The following RAF1 variants were observed in gnomAD, a reference collection of about 807,000 sequenced individuals.
RAF1 encodes Raf-1 proto-oncogene, serine/threonine kinase, also known as RAF proto-oncogene serine/threonine-protein kinase.
Under a neutral mutation model 81.1 loss-of-function variants are expected in RAF1, and 27 were observed. That is an observed-to-expected ratio of 0.33 (90% CI 0.25 to 0.46). The LOEUF (loss-of-function observed/expected upper bound fraction) is 0.46, where lower values mean the gene tolerates loss of function less well. RAF1 is among the 20% of genes least tolerant of loss of function. The pLI, the probability that RAF1 is intolerant of heterozygous loss-of-function variation, is 1.00. For missense variants in RAF1, 598 were observed against 826.0 expected, an observed-to-expected ratio of 0.72 and a Z score of 3.38; for synonymous variants, 298 against 294.0, an observed-to-expected ratio of 1.01 and a Z score of -0.14.
chr3:12,650,683 G>A (rs1386096130), intron 1 of RAF1, among the ~76,000 whole-genome samples: 1 of 152,164 alleles, frequency 6.6e-6, no homozygotes, highest in African/African-American at 2.4e-5. Flanking sequence ...GGGAGACATG[G>A]TCCTTGCATT....
intron 16 of RAF1, 21 bp from the exon 16 acceptor site, chr3:12,585,002 G>T (rs2058281036): frequency 6.2e-7 from 1 of 1,613,920 alleles, no homozygotes; most frequent in Admixed American, 1.7e-5. Flanking sequence ...GAAAACAGCT[G>T]AGCTAATGGG....
At chr3:12,659,025 G>T (rs2060788564) in intron 1 of RAF1, among the ~76,000 whole-genome samples, 1 of 151,868 alleles carries the variant, frequency 6.6e-6, no homozygotes, top group Admixed American at 6.6e-5. Flanking sequence ...TGGGAGAAAA[G>T]AAGTAACAAA....
At chr3:12,635,268 G>A (rs569449620) in intron 1 of RAF1, among the ~76,000 whole-genome samples, 84 of 139,224 alleles carry the variant, frequency 6.0e-4, no homozygotes, top group African/African-American at 2.1e-3. Context: ...GCAGTAAACC[G>A]GGATCTTGCC....
At chr3:12,607,592 G>A (rs955422886) in intron 5 of RAF1, among the ~76,000 whole-genome samples, 1 of 152,098 alleles carries the variant, frequency 6.6e-6, no homozygotes, top group Non-Finnish European at 1.5e-5. Flanking sequence ...AGGCTACAGT[G>A]AGCTGTGATC....
intron 1 of RAF1, among the ~76,000 whole-genome samples, chr3:12,626,710 T>G (rs1441798504): frequency 1.3e-5 from 2 of 151,810 alleles, no homozygotes; most frequent in Non-Finnish European, 1.5e-5. Flanking sequence ...AATGATAAAG[T>G]TTTTTTTGTT....
intron 1 of RAF1, among the ~76,000 whole-genome samples, chr3:12,661,772 AC>A (rs1217211678): frequency 6.6e-6 from 1 of 152,160 alleles, no homozygotes; most frequent in African/African-American, 2.4e-5. Context: ...TATAAAGTTA[AC>A]ATTTTTGTGA....
At chr3:12,616,300 T>C (rs1180095522) in intron 2 of RAF1, among the ~76,000 whole-genome samples, 3 of 152,170 alleles carry the variant, frequency 2.0e-5, no homozygotes, top group East Asian at 3.8e-4. Flanking sequence ...TGGTAGCAGA[T>C]GGGGATGGAG....
intron 4 of RAF1, 127 bp from the exon 5 acceptor site, chr3:12,609,050 A>G (rs779369624): frequency 3.5e-4 from 418 of 1,184,214 alleles, no homozygotes; most frequent in Non-Finnish European, 4.8e-4. Flanking sequence ...CAGAATTCAT[A>G]ATCACAAATT....
intron 11 of RAF1, among the ~76,000 whole-genome samples, chr3:12,592,931 G>T (rs1436556914): frequency 1.3e-5 from 2 of 151,014 alleles, no homozygotes; most frequent in Admixed American, 1.3e-4. Context: ...AGTAGAGACG[G>T]GGTTTCACCA....
intron 2 of RAF1, among the ~76,000 whole-genome samples, chr3:12,612,406 T>C (rs1262015921): frequency 1.3e-5 from 2 of 152,184 alleles, no homozygotes; most frequent in African/African-American, 4.8e-5. Flanking sequence ...CTCAGCACTT[T>C]GGGAAGCCGA....
chr3:12,652,109 G>A (rs374482664), intron 1 of RAF1, among the ~76,000 whole-genome samples: 5 of 152,008 alleles, frequency 3.3e-5, no homozygotes, highest in Non-Finnish European at 5.9e-5. Context: ...CCAGCTACTC[G>A]GGAGGCTGAG....
chr3:12,653,162 A>C (rs1451963230), intron 1 of RAF1, among the ~76,000 whole-genome samples: 1 of 151,124 alleles, frequency 6.6e-6, no homozygotes, highest in Non-Finnish European at 1.5e-5. Flanking sequence ...CAGGCCTGTA[A>C]TCCTAGCTAC....
rs576013832 is a variant in RAF1, at chr3:12,634,330, T to A, written c.-26-15583A>T. 3.3e-5 allele frequency among the ~76,000 whole-genome samples: 5 copies of A among 151,354 alleles called. No individual in the cohort carries two copies. In the South Asian group the frequency reaches 8.3e-4, roughly 25 times the overall value. On this transcript the variant is annotated intron_variant, in intron 1 of 17. Coordinates refer to ENST00000442415, the MANE Select transcript of RAF1 (RefSeq NM_001354689.3). Reference sequence around the variant, plus strand: ...CCTGGCTAATTTTTTTTTTTTTTTTTAGTAGAGATGGCGTTTCGCCATGTT... The same window carrying A: ...CCTGGCTAATTTTTTTTTTTTTTTTAAGTAGAGATGGCGTTTCGCCATGTT...
Position 12,645,620 on chromosome 3 carries a change from T to C in RAF1, c.-27+18193A>G, listed in dbSNP as rs184382464. 2.6e-3 allele frequency among the ~76,000 whole-genome samples: 400 copies of C among 152,342 alleles called. 1 individual carries two copies. The highest frequency in any genetic ancestry group is 9.1e-3 in the African/African-American group (377 of 41,574). On this transcript the variant is annotated intron_variant, in intron 1 of 17. Transcript: ENST00000442415. ...CTAGGACTTAATTTTTGGAATACAG[T>C]AATGTAGTGGTTAAGAGTTTTAGGC...
chr3:12,601,651 TAA>T (rs1323992455), intron 8 of RAF1, among the ~76,000 whole-genome samples: 1 of 151,882 alleles, frequency 6.6e-6, no homozygotes, highest in Non-Finnish European at 1.5e-5. Context: ...CTCAATTATA[TAA>T]AAAGATAAAA....
At chr3:12,627,983 G>A (rs1421470377) in intron 1 of RAF1, among the ~76,000 whole-genome samples, 1 of 152,238 alleles carries the variant, frequency 6.6e-6, no homozygotes, top group Non-Finnish European at 1.5e-5. Context: ...AGCCGGGTGT[G>A]ATGGCATGTG....
Position 12,612,172 on chromosome 3 carries a change from A to G in RAF1, c.208-110T>C, listed in dbSNP as rs968318150. On this transcript the variant is annotated intron_variant, in intron 2 of 17. Transcript: ENST00000442415. ...GTATTGCTTGTGATGGCCCACGCACACACACATATACGAAACAACCTGAAT... is the reference window on the plus strand; with the variant it reads ...GTATTGCTTGTGATGGCCCACGCACGCACACATATACGAAACAACCTGAAT... The G allele has an allele frequency of 7.4e-6, 6 of 805,644 alleles. No homozygotes were observed. In the Admixed American group the frequency reaches 9.4e-5, roughly 13 times the overall value. 49.9% of individuals were successfully genotyped at this position (805,644 alleles called of 1,614,324 possible). A position where few individuals can be genotyped will look rare whatever the true frequency, so the allele number is the denominator to read the frequency against.
intron 1 of RAF1, among the ~76,000 whole-genome samples, chr3:12,663,191 T>A (rs1276993578): frequency 1.3e-5 from 2 of 152,136 alleles, no homozygotes; most frequent in South Asian, 4.1e-4. Flanking sequence ...GGCTCTCGCG[T>A]CACACAAAAG....
chr3:12,605,412 G>A (rs2058995667), intron 6 of RAF1, among the ~76,000 whole-genome samples: 1 of 151,950 alleles, frequency 6.6e-6, no homozygotes, highest in Non-Finnish European at 1.5e-5. Context: ...AAGTACCTGG[G>A]CCAAAAGGCA....
Sources: allele counts gnomAD v4.1 joint callset (sites outside exome capture counted in the v4.1 genomes callset), GRCh38; gene constraint gnomAD v4.1.1; transcripts MANE v1.5; gene names NCBI Gene and HGNC (gene_info 2026-07-23, HGNC 2026-07-21).